FRMD4B: variants seen among roughly 807,000 people sequenced by gnomAD.
FRMD4B encodes the protein FERM domain-containing protein 4B.
Under a neutral mutation model 141.5 loss-of-function variants are expected in FRMD4B, and 74 were observed. The observed-to-expected ratio is 0.52, with a 90% CI of 0.43 to 0.63. The LOEUF (loss-of-function observed/expected upper bound fraction) is 0.63, where lower values mean the gene tolerates loss of function less well. Among genes scored for constraint, FRMD4B ranks in the 30% least tolerant of loss-of-function variants. The pLI is 0.00. For missense variants in FRMD4B, 1,366 were observed against 1,253.4 expected (o/e 1.09, Z -1.36); for synonymous variants, 506 against 467.9 (o/e 1.08, Z -1.05).
chr3:69,271,690 A>G (rs1217388603), intron 5 of FRMD4B, among the ~76,000 whole-genome samples: 2 of 152,086 alleles, frequency 1.3e-5, no homozygotes, highest in Non-Finnish European at 2.9e-5. Context: ...ATATAATAAT[A>G]GGCCAGGCAC....
chr3:69,434,430 A>C (rs1054150841), intron 1 of FRMD4B, among the ~76,000 whole-genome samples: 4 of 152,346 alleles, frequency 2.6e-5, no homozygotes, highest in African/African-American at 9.6e-5. Context: ...CTGAGGTTAC[A>C]CACAACTGGT....
At chr3:69,309,607 A>ATTT (rs34067186) in intron 3 of FRMD4B, among the ~76,000 whole-genome samples, 16 of 109,044 alleles carry the variant, frequency 1.5e-4, no homozygotes, top group Admixed American at 3.2e-4. Flanking sequence ...TACCTGGCTG[A>ATTT]TTTTTTTTTT....
chr3:69,308,753 C>T (rs1253376513), intron 3 of FRMD4B, among the ~76,000 whole-genome samples: 4 of 151,620 alleles, frequency 2.6e-5, no homozygotes, highest in South Asian at 2.1e-4. Context: ...TTTTTTTTCT[C>T]GCAAAAAACA....
At chr3:69,189,180 C>A (rs2092807207) in intron 18 of FRMD4B, among the ~76,000 whole-genome samples, 1 of 143,174 alleles carries the variant, frequency 7.0e-6, no homozygotes, top group South Asian at 2.2e-4. Flanking sequence ...TGAGATCGCA[C>A]CAGTGCACTC....
intron 16 of FRMD4B, among the ~76,000 whole-genome samples, chr3:69,194,292 A>C (rs2092875353): frequency 6.6e-6 from 1 of 152,200 alleles, no homozygotes; most frequent in Non-Finnish European, 1.5e-5. Flanking sequence ...TCAATGCTTC[A>C]GTTTTTTTCA....
chr3:69,533,621 C>A (rs923205772), intron 1 of FRMD4B, among the ~76,000 whole-genome samples: 1 of 152,174 alleles, frequency 6.6e-6, no homozygotes, highest in Non-Finnish European at 1.5e-5. Context: ...TGATTCTCTG[C>A]GTTAATCAGA....
At chr3:69,541,696 C>T (rs1701186053) in intron 1 of FRMD4B, among the ~76,000 whole-genome samples, 1 of 152,198 alleles carries the variant, frequency 6.6e-6, no homozygotes, top group Non-Finnish European at 1.5e-5. Context: ...TGCACACTGC[C>T]TCTCCAACAT....
At chr3:69,461,921 A>C (rs1422078292) in intron 1 of FRMD4B, among the ~76,000 whole-genome samples, 1 of 152,170 alleles carries the variant, frequency 6.6e-6, no homozygotes, top group Non-Finnish European at 1.5e-5. Context: ...TAGGTGAAAC[A>C]GCCAAAATGA....
At chr3:69,339,321 G>A (rs1702658725) in intron 1 of FRMD4B, among the ~76,000 whole-genome samples, 1 of 152,212 alleles carries the variant, frequency 6.6e-6, no homozygotes, top group Admixed American at 6.5e-5. Flanking sequence ...ACAGTGGAGA[G>A]TCAAGCATGG....
At chr3:69,427,519 C>T (rs1705103592) in intron 2 of FRMD4B, among the ~76,000 whole-genome samples, 1 of 151,046 alleles carries the variant, frequency 6.6e-6, no homozygotes, top group Non-Finnish European at 1.5e-5. Flanking sequence ...TTTTCCCCGT[C>T]CAATATGGAG....
intron 5 of FRMD4B, among the ~76,000 whole-genome samples, chr3:69,262,706 C>G (rs562973531): frequency 6.6e-6 from 1 of 150,408 alleles, no homozygotes; most frequent in Non-Finnish European, 1.5e-5. Context: ...GTGATCCGCC[C>G]GCCTTGGCCT....
intron 11 of FRMD4B, chr3:69,200,596 C>G (rs2092956240): frequency 8.4e-7 from 1 of 1,192,260 alleles, no homozygotes; most frequent in Non-Finnish European, 1.1e-6. Context: ...ATCAGCAACT[C>G]TCCTGAGTGA....
chr3:69,521,834 G>A (rs773523849), intron 1 of FRMD4B, among the ~76,000 whole-genome samples: 7 of 152,032 alleles, frequency 4.6e-5, no homozygotes, highest in South Asian at 2.1e-4. Flanking sequence ...CTGAAATGTC[G>A]CTCCAAAGAC....
At position 69,272,760 on chromosome 3, in the gene FRMD4B, G is replaced by C. The variant is rs189048549; in HGVS notation, c.501+14992C>G. On this transcript the variant is annotated intron_variant, in intron 5 of 22. Coordinates refer to ENST00000398540, the MANE Select transcript of FRMD4B (RefSeq NM_015123.3). ...CATAAATGTGATGCTAACAGTAATG[G>C]ACCAGTTACAGAAAGATATGCTTCA... is the stretch of plus-strand genomic sequence containing the variant. Among the ~76,000 whole-genome samples the C allele has an allele frequency of 1.2e-3, 186 of 152,294 alleles. 1 individual carries two copies. The highest frequency in any genetic ancestry group is 4.3e-3 in the African/African-American group (177 of 41,562).
intron 1 of FRMD4B, among the ~76,000 whole-genome samples, chr3:69,527,889 T>G (rs983270512): frequency 2.6e-5 from 4 of 152,304 alleles, no homozygotes; most frequent in African/African-American, 9.6e-5. Flanking sequence ...TTCTGATAGC[T>G]TCTCACAAAA....
intron 1 of FRMD4B, among the ~76,000 whole-genome samples, chr3:69,327,549 C>T (rs917775199): frequency 2.6e-5 from 4 of 152,122 alleles, no homozygotes; most frequent in Non-Finnish European, 5.9e-5. Flanking sequence ...TTCAATTTTT[C>T]GTCAACCCTG....
intron 11 of FRMD4B, 74 bp from the exon 12 acceptor site, chr3:69,198,848 C>A (rs927352839): frequency 1.6e-5 from 12 of 754,102 alleles, no homozygotes; most frequent in Admixed American, 4.3e-5. Context: ...GCTTAATAAT[C>A]AAACAATTAT....
At chr3:69,272,173 G>A (rs952678857) in intron 5 of FRMD4B, among the ~76,000 whole-genome samples, 4 of 151,662 alleles carry the variant, frequency 2.6e-5, no homozygotes, top group African/African-American at 7.3e-5. Flanking sequence ...ACAGAATTTC[G>A]CTCTGTTGCC....
At chr3:69,273,713 AG>A (rs2093605463) in intron 5 of FRMD4B, among the ~76,000 whole-genome samples, 1 of 152,212 alleles carries the variant, frequency 6.6e-6, no homozygotes, top group Non-Finnish European at 1.5e-5. Flanking sequence ...GTATTTACTA[AG>A]GGCCTATAGT....
Sources: gnomAD v4.1 joint callset for allele counts (sites outside exome capture counted in the v4.1 genomes callset) on GRCh38, gnomAD v4.1.1 for gene constraint, MANE v1.5 for transcripts, NCBI Gene and HGNC (gene_info 2026-07-23, HGNC 2026-07-21) for gene names.